Variants in PTPRD observed in about 807,000 individuals in gnomAD.
PTPRD encodes receptor-type tyrosine-protein phosphatase delta.
In PTPRD, 34 loss-of-function variants were observed where a neutral mutation model predicts 214.5. The ratio of observed to expected loss-of-function variants is 0.16; its 90% CI spans 0.12 to 0.21. PTPRD has a LOEUF of 0.21. PTPRD is among the 10% of genes least tolerant of loss of function. The pLI is 1.00. For synonymous variants in PTPRD, 1,128 were observed against 845.7 expected (o/e 1.33, Z -5.79); for missense variants, 2,545 against 2,398.7 (o/e 1.06, Z -1.27).
At position 9,331,290 on chromosome 9, in the gene PTPRD, T is replaced by C. The variant is rs1372787105; in HGVS notation, c.-203+66159A>G. ...GGCTTTCCTGATGTACCTTGTCTTT[T>C]TCCACCCCCATTTCCAATTTACTAA... On this transcript the variant is annotated intron_variant, in intron 9 of 45. Coordinates refer to ENST00000381196, the MANE Select transcript of PTPRD (RefSeq NM_002839.4). Among the ~76,000 whole-genome samples, 3 of 152,110 alleles carry C rather than the reference T, an allele frequency of 2.0e-5. No homozygotes were observed. The East Asian group carries it at 5.8e-4, about 29-fold the overall frequency.
intron 9 of PTPRD, among the ~76,000 whole-genome samples, chr9:9,367,529 C>G (rs1042801151): frequency 1.3e-5 from 2 of 151,240 alleles, no homozygotes; most frequent in African/African-American, 4.8e-5. Context: ...GATGTTTTTC[C>G]AGGTACAGGA....
At chr9:8,463,497 T>C (rs745811108) in intron 32 of PTPRD, among the ~76,000 whole-genome samples, 4 of 151,902 alleles carry the variant, frequency 2.6e-5, no homozygotes, top group African/African-American at 7.2e-5. Flanking sequence ...ACTGTCTCAT[T>C]TGAAATTCTT....
At chr9:10,302,176 AGT>A (rs2095881218) in intron 3 of PTPRD, among the ~76,000 whole-genome samples, 1 of 152,220 alleles carries the variant, frequency 6.6e-6, no homozygotes, top group Non-Finnish European at 1.5e-5. Context: ...AAGCTTCATA[AGT>A]GAAGGAGAAA....
chr9:9,262,107 G>T (rs2099980377), intron 9 of PTPRD, among the ~76,000 whole-genome samples: 2 of 151,610 alleles, frequency 1.3e-5, no homozygotes, highest in African/African-American at 4.8e-5. Context: ...GTCCCACAGT[G>T]TAATTCCCTT....
Position 8,692,905 on chromosome 9 carries a change from T to C in PTPRD, c.64+40875A>G, listed in dbSNP as rs186973349. Among the ~76,000 whole-genome samples, 5 of 152,340 alleles carry C rather than the reference T, an allele frequency of 3.3e-5. No individual in the cohort carries two copies. The East Asian group carries it at 9.6e-4, about 29-fold the overall frequency. ...AAATCAAAACATCAATGTTTGGCAG[T>C]AAACTAAATTCACTACTCAGTTTTG... On this transcript the variant is annotated intron_variant, in intron 12 of 45. Coordinates refer to ENST00000381196, the MANE Select transcript of PTPRD (RefSeq NM_002839.4).
chr9:8,798,224 T>C (rs748864268), intron 11 of PTPRD, among the ~76,000 whole-genome samples: 2 of 152,196 alleles, frequency 1.3e-5, no homozygotes, highest in African/African-American at 2.4e-5. Flanking sequence ...ATACATTAGA[T>C]CTTTAAATAA....
chr9:9,943,101 G>A (rs2091908782), intron 4 of PTPRD, among the ~76,000 whole-genome samples: 2 of 151,898 alleles, frequency 1.3e-5, no homozygotes, highest in Non-Finnish European at 1.5e-5. Context: ...AAGTCTCCTT[G>A]GTCCTGAGAC....
chr9:8,578,012 C>A (rs138192357), intron 14 of PTPRD, among the ~76,000 whole-genome samples: 169 of 152,260 alleles, frequency 1.1e-3, no homozygotes, highest in African/African-American at 3.9e-3. Context: ...ATATGCAATA[C>A]ACATTTGTTG....
intron 8 of PTPRD, among the ~76,000 whole-genome samples, chr9:9,411,262 C>CTTTTTTTTTTTTTTTTT (rs34617237): frequency 7.2e-6 from 1 of 139,842 alleles, no homozygotes; most frequent in African/African-American, 2.6e-5. Flanking sequence ...AGCATTGTGT[C>CTTTTTTTTTTTTTTTTT]TTTTTTTTTT....
At chr9:9,998,595 G>A (rs1049941149) in intron 4 of PTPRD, among the ~76,000 whole-genome samples, 11 of 151,936 alleles carry the variant, frequency 7.2e-5, no homozygotes, top group East Asian at 1.9e-4. Flanking sequence ...ACCCTAGGAC[G>A]TAATTTAGCT....
At chr9:9,611,291 T>C (rs561051641) in intron 7 of PTPRD, among the ~76,000 whole-genome samples, 5 of 152,270 alleles carry the variant, frequency 3.3e-5, no homozygotes, top group African/African-American at 1.2e-4. Context: ...AATACGCAAA[T>C]GATTTAATAT....
At chr9:8,371,982 C>G (rs375643472) in intron 39 of PTPRD, among the ~76,000 whole-genome samples, 4 of 152,134 alleles carry the variant, frequency 2.6e-5, no homozygotes, top group African/African-American at 9.6e-5. Context: ...CACACCTCAT[C>G]TTGAAGGCAT....
At chr9:9,438,582 A>G (rs968395528) in intron 8 of PTPRD, among the ~76,000 whole-genome samples, 1 of 152,306 alleles carries the variant, frequency 6.6e-6, no homozygotes, top group African/African-American at 2.4e-5. Flanking sequence ...TACTGGGCCA[A>G]CCAAAGCATC....
intron 14 of PTPRD, among the ~76,000 whole-genome samples, chr9:8,557,322 A>C (rs2084172089): frequency 6.6e-6 from 1 of 151,862 alleles, no homozygotes; most frequent in African/African-American, 2.4e-5. Context: ...ATGCAGCAAG[A>C]ACTCAATACA....
chr9:9,018,780 T>C (rs1200089801), intron 10 of PTPRD, 45 bp from the exon 11 acceptor site: 2 of 152,184 alleles, frequency 1.3e-5, no homozygotes, highest in African/African-American at 2.4e-5. Context: ...GTGAAAACGA[T>C]GCTATTAAAA....
chr9:8,841,296 G>T (rs2097552701), intron 11 of PTPRD, among the ~76,000 whole-genome samples: 1 of 152,198 alleles, frequency 6.6e-6, no homozygotes, highest in Non-Finnish European at 1.5e-5. Context: ...GGATTAACAG[G>T]TTCAAAGTAA....
intron 2 of PTPRD, among the ~76,000 whole-genome samples, chr9:10,353,048 A>T (rs1244509068): frequency 3.3e-5 from 5 of 151,992 alleles, no homozygotes; most frequent in Non-Finnish European, 7.4e-5. Context: ...TTTGCCTTTT[A>T]ACAAGTCCCT....
intron 9 of PTPRD, among the ~76,000 whole-genome samples, chr9:9,248,700 C>A (rs539678291): frequency 2.0e-5 from 3 of 152,204 alleles, no homozygotes; most frequent in Admixed American, 2.0e-4. Context: ...AATGAGAAGT[C>A]TTAGCATGTA....
rs1304010111 is a variant in PTPRD, at chr9:10,420,160, T to C, written c.-599-79143A>G. Among the ~76,000 whole-genome samples the C allele has an allele frequency of 2.6e-5, 4 of 151,842 alleles. No homozygotes were observed. In the East Asian group the frequency reaches 7.8e-4, roughly 30 times the overall value. Reference sequence around the variant, plus strand: ...GAAGGAAAAGGATTAGAAGCTATCATTTTTTGGATGACTTTGCTATGTGTC... The same window carrying C: ...GAAGGAAAAGGATTAGAAGCTATCACTTTTTGGATGACTTTGCTATGTGTC... On this transcript the variant is annotated intron_variant, in intron 2 of 45. Coordinates refer to ENST00000381196, the MANE Select transcript of PTPRD (RefSeq NM_002839.4).
Sources: gnomAD v4.1 joint callset for allele counts (sites outside exome capture counted in the v4.1 genomes callset) on GRCh38, gnomAD v4.1.1 for gene constraint, MANE v1.5 for transcripts, NCBI Gene and HGNC (gene_info 2026-07-23, HGNC 2026-07-21) for gene names.